CCSER1: variants seen among roughly 807,000 people sequenced by gnomAD.
CCSER1 encodes serine-rich coiled-coil domain-containing protein 1.
A neutral mutation model predicts 82.0 loss-of-function variants in CCSER1; 41 were observed. That is an observed-to-expected ratio of 0.50 (90% CI 0.39 to 0.65). CCSER1 has a LOEUF of 0.65. CCSER1 is among the 30% of genes least tolerant of loss of function. The pLI, the probability that CCSER1 is intolerant of heterozygous loss-of-function variation, is 0.00. For missense variants in CCSER1, 1,119 were observed against 1,064.2 expected, an observed-to-expected ratio of 1.05 and a Z score of -0.72; for synonymous variants, 414 against 383.9, an observed-to-expected ratio of 1.08 and a Z score of -0.92.
intron 10 of CCSER1, among the ~76,000 whole-genome samples, chr4:91,110,736 CAATA>C (rs1726027171): frequency 6.6e-6 from 1 of 151,798 alleles, no homozygotes; most frequent in Non-Finnish European, 1.5e-5. Context: ...AGTAAGTACC[CAATA>C]AATGTTTGTT....
chr4:90,696,007 T>C (rs898300489), intron 6 of CCSER1, among the ~76,000 whole-genome samples: 1 of 152,124 alleles, frequency 6.6e-6, no homozygotes, highest in Non-Finnish European at 1.5e-5. Flanking sequence ...AAAGTATGCA[T>C]GTTCTTGAAA....
chr4:90,606,978 C>G lies in CCSER1; in HGVS notation c.1725-21047C>G, dbSNP rs142058393. ...GCCTGAAGGTATTTTCATAAGTTCC[C>G]TATTTATATGTTGTTGATGAAATTA... On this transcript the variant is annotated intron_variant, in intron 5 of 10. Transcript: ENST00000509176. Among the ~76,000 whole-genome samples the G allele has an allele frequency of 2.1e-3, 321 of 152,228 alleles. 1 individual carries two copies. Among genetic ancestry groups the G allele is most frequent in the Middle Eastern group, 3.4e-3 (1 of 294 alleles).
chr4:90,413,906 G>A (rs752858965), intron 4 of CCSER1, among the ~76,000 whole-genome samples: 4 of 120,364 alleles, frequency 3.3e-5, no homozygotes, highest in South Asian at 2.9e-4. Context: ...CCAAGATTGC[G>A]CCACTGCACC....
intron 5 of CCSER1, among the ~76,000 whole-genome samples, chr4:90,617,880 A>C (rs1265182525): frequency 2.6e-5 from 4 of 152,084 alleles, no homozygotes; most frequent in Admixed American, 6.6e-5. Context: ...ATACTTTGAC[A>C]GTTCTATTGT....
chr4:91,054,996 A>T (rs2148718920), intron 9 of CCSER1, among the ~76,000 whole-genome samples: 1 of 152,264 alleles, frequency 6.6e-6, no homozygotes, highest in East Asian at 1.9e-4. Flanking sequence ...TTTACTGATA[A>T]AAAAGAACTT....
intron 8 of CCSER1, among the ~76,000 whole-genome samples, chr4:90,840,810 A>G (rs1762482447): frequency 6.6e-6 from 1 of 152,068 alleles, no homozygotes. Flanking sequence ...TTTGCTGGCA[A>G]TTGTGGCATT....
chr4:90,711,309 G>A (rs908104695), intron 6 of CCSER1, among the ~76,000 whole-genome samples: 9 of 152,076 alleles, frequency 5.9e-5, no homozygotes, highest in African/African-American at 2.2e-4. Context: ...AATCCTACTT[G>A]AATATGCTTT....
At chr4:91,593,938 C>T (rs902261051) in intron 10 of CCSER1, among the ~76,000 whole-genome samples, 2 of 152,026 alleles carry the variant, frequency 1.3e-5, no homozygotes, top group Non-Finnish European at 2.9e-5. Context: ...AGGCTATATG[C>T]TATTGTAAAG....
At chr4:91,229,362 A>C (rs1385387734) in intron 10 of CCSER1, among the ~76,000 whole-genome samples, 2 of 151,996 alleles carry the variant, frequency 1.3e-5, no homozygotes, top group Non-Finnish European at 2.9e-5. Context: ...ATTAAAAAAA[A>C]AACAGAGTAC....
At chr4:90,738,789 G>A (rs78194043) in intron 7 of CCSER1, among the ~76,000 whole-genome samples, 6 of 152,084 alleles carry the variant, frequency 3.9e-5, no homozygotes, top group Non-Finnish European at 2.9e-5. Context: ...GGCTGCTGTC[G>A]ATGTTCACTC....
intron 1 of CCSER1, among the ~76,000 whole-genome samples, chr4:90,208,803 C>G (rs1285918575): frequency 6.6e-6 from 1 of 152,102 alleles, no homozygotes; most frequent in Non-Finnish European, 1.5e-5. Context: ...GATGCCCTAT[C>G]TTGCTTCAGC....
At chr4:90,574,250 A>ATT (rs1780447431) in intron 5 of CCSER1, among the ~76,000 whole-genome samples, 1 of 124,682 alleles carries the variant, frequency 8.0e-6, no homozygotes, top group Non-Finnish European at 1.6e-5. Context: ...GAAACACATT[A>ATT]ATTTTTTTTT....
intron 10 of CCSER1, among the ~76,000 whole-genome samples, chr4:91,520,537 A>G (rs1034951377): frequency 1.3e-5 from 2 of 152,162 alleles, no homozygotes; most frequent in Admixed American, 6.5e-5. Flanking sequence ...TTTAACTTAC[A>G]TATGAAAAGA....
At chr4:90,923,594 A>C in intron 9 of CCSER1, 147 bp downstream of exon 9, 4 of 562,202 alleles carry the variant, frequency 7.1e-6, no homozygotes, top group Non-Finnish European at 1.3e-5. Flanking sequence ...AACAATCCCC[A>C]AATACCTCCT....
At chr4:91,410,536 C>T (rs1193583474) in intron 10 of CCSER1, among the ~76,000 whole-genome samples, 2 of 152,062 alleles carry the variant, frequency 1.3e-5, no homozygotes, top group African/African-American at 4.8e-5. Flanking sequence ...AGCTGAAGAA[C>T]CTATTTTTAC....
intron 1 of CCSER1, among the ~76,000 whole-genome samples, chr4:90,287,620 T>G (rs998940824): frequency 5.9e-5 from 9 of 151,916 alleles, no homozygotes; most frequent in Admixed American, 4.6e-4. Context: ...ATGTAAAGGA[T>G]TCCTGCATTT....
chr4:91,270,282 ATTATT>A (rs767996164), intron 10 of CCSER1, among the ~76,000 whole-genome samples: 7 of 152,128 alleles, frequency 4.6e-5, no homozygotes, highest in Non-Finnish European at 7.4e-5. Context: ...TAGTTCAGGT[ATTATT>A]TTAACATTTT....
At chr4:90,443,589 G>A (rs1199145772) in intron 4 of CCSER1, among the ~76,000 whole-genome samples, 1 of 152,038 alleles carries the variant, frequency 6.6e-6, no homozygotes, top group African/African-American at 2.4e-5. Context: ...GCAAAGCCAT[G>A]GATAAGGGGG....
chr4:90,152,932 T>C (rs112716913), intron 1 of CCSER1, among the ~76,000 whole-genome samples: 2 of 151,382 alleles, frequency 1.3e-5, no homozygotes, highest in Admixed American at 1.3e-4. Flanking sequence ...ATGTGCACAA[T>C]GTGCAGGTTA....
Sources: gnomAD v4.1 joint callset for allele counts (sites outside exome capture counted in the v4.1 genomes callset) on GRCh38, gnomAD v4.1.1 for gene constraint, MANE v1.5 for transcripts, NCBI Gene and HGNC (gene_info 2026-07-23, HGNC 2026-07-21) for gene names.